The following FSTL1 variants were observed in gnomAD, a reference collection of about 807,000 sequenced individuals.
The protein encoded by FSTL1 is follistatin-related protein 1.
In FSTL1, 24 loss-of-function variants were observed where a neutral mutation model predicts 45.9. The ratio of observed to expected loss-of-function variants is 0.52; its 90% confidence interval spans 0.38 to 0.74. The LOEUF (loss-of-function observed/expected upper bound fraction) is 0.74, where lower values mean the gene tolerates loss of function less well. FSTL1 is among the 30% of genes least tolerant of loss of function. FSTL1 has a pLI of 0.00. For synonymous variants in FSTL1, 120 were observed against 137.6 expected (o/e 0.87, Z 0.89); for missense variants, 340 against 381.8 (o/e 0.89, Z 0.91).
At chr3:120,446,522 C>G (rs73855244) in intron 2 of FSTL1, among the ~76,000 whole-genome samples, 1 of 152,174 alleles carries the variant, frequency 6.6e-6, no homozygotes, top group Middle Eastern at 3.2e-3. Flanking sequence ...TTTTACACCC[C>G]AATTTCCAGC....
Position 120,409,520 on chromosome 3 carries a change from C to A in FSTL1, c.462+12G>T. The A allele has an allele frequency of 6.2e-7, 1 of 1,613,086 alleles. No homozygotes were observed. The highest frequency in any genetic ancestry group is 8.5e-7 in the Non-Finnish European group (1 of 1,179,102). ...ATGGGCCTGAATAGTCTTCCTCCTA[C>A]CTCTGGATTACCTTAAAATACTTGT... On this transcript the variant is annotated intron_variant, in intron 6 of 10. Coordinates refer to ENST00000295633, the MANE Select transcript of FSTL1 (RefSeq NM_007085.5).
chr3:120,409,437 A>G, intron 6 of FSTL1, 95 bp downstream of exon 6: 2 of 1,134,150 alleles, frequency 1.8e-6, no homozygotes, highest in Non-Finnish European at 2.6e-6. Flanking sequence ...GCAGGTTTAC[A>G]TTTCCTGTGG....
At chr3:120,450,244 A>G (rs1370285561) in intron 2 of FSTL1, among the ~76,000 whole-genome samples, 5 of 152,202 alleles carry the variant, frequency 3.3e-5, no homozygotes, top group African/African-American at 1.2e-4. Flanking sequence ...AGAGAAAGGA[A>G]AATTAATTTT....
chr3:120,435,165 G>A (rs1463255067), intron 2 of FSTL1, among the ~76,000 whole-genome samples: 2 of 152,172 alleles, frequency 1.3e-5, no homozygotes, highest in African/African-American at 4.8e-5. Flanking sequence ...GTTGCAGTGA[G>A]CCGAGATCCT....
rs61105699 is a variant in FSTL1 at position 120,440,979 on chromosome 3, C to T, written c.63+9705G>A. On this transcript the variant is annotated intron_variant, in intron 2 of 10. Transcript: ENST00000295633. ...ATCGGCCTGGCTGCAGACACAGCAG[C>T]CCCTCCCTAGTGGGACTGCAGGTCT... Among the ~76,000 whole-genome samples, 903 of 152,332 alleles carry T rather than the reference C, an allele frequency of 5.9e-3. 9 individuals are homozygous for T. The highest frequency in any genetic ancestry group is 0.021 in the African/African-American group (867 of 41,572).
intron 2 of FSTL1, among the ~76,000 whole-genome samples, chr3:120,431,132 C>T (rs1240807853): frequency 3.3e-5 from 5 of 152,058 alleles, no homozygotes; most frequent in Non-Finnish European, 7.4e-5. Context: ...CCACCATGCC[C>T]GGACAATTTT....
At chr3:120,447,795 T>A (rs1011607425) in intron 2 of FSTL1, among the ~76,000 whole-genome samples, 23 of 152,148 alleles carry the variant, frequency 1.5e-4, no homozygotes, top group Non-Finnish European at 4.4e-5. Flanking sequence ...ACCAGAGGCG[T>A]GTGTGCTACC....
At chr3:120,399,718 G>A (rs758697740) in intron 10 of FSTL1, among the ~76,000 whole-genome samples, 165 bp downstream of exon 10, 1 of 152,198 alleles carries the variant, frequency 6.6e-6, no homozygotes, top group Non-Finnish European at 1.5e-5. Flanking sequence ...TCAGGGAACT[G>A]TCTGTATCAC....
chr3:120,450,704 C>T lies in FSTL1; in HGVS notation c.43G>A (p.Val15Ile), dbSNP rs1180726694. ...CCTACCTCGGCGCGGACCCAGGCGA[C>T]CGCCACCAGCGCGAGCGCGAGCGCG... Reference protein sequence around the residue: ...WLALALALVAVAWVRAEEELR... With the variant: ...WLALALALVAIAWVRAEEELR... The change falls in exon 2 of 11, where the codon GTC (valine) becomes ATC (isoleucine). Residue 15 changes from valine (V) to isoleucine (I), a missense_variant. Val to Ile is a conservative substitution (Grantham distance 29). Coordinates refer to ENST00000295633, the MANE Select transcript of FSTL1 (RefSeq NM_007085.5). 1 of 1,570,780 alleles carries T rather than the reference C, an allele frequency of 6.4e-7. No individual in the cohort carries two copies.
chr3:120,443,879 G>A (rs762150181), intron 2 of FSTL1, among the ~76,000 whole-genome samples: 27 of 149,840 alleles, frequency 1.8e-4, no homozygotes, highest in Non-Finnish European at 3.1e-4. Flanking sequence ...AGATTTATGG[G>A]AATTATTTTG....
At chr3:120,419,208 G>A in intron 2 of FSTL1, 1 of 152,436 alleles carries the variant, frequency 6.6e-6, no homozygotes, top group Non-Finnish European at 1.5e-5. Context: ...GAAGAATAGG[G>A]TGGCTGCTCC....
chr3:120,427,253 C>G (rs1937398695), intron 2 of FSTL1, among the ~76,000 whole-genome samples: 3 of 152,186 alleles, frequency 2.0e-5, no homozygotes, highest in Admixed American at 2.0e-4. Context: ...TGAATTCCCC[C>G]TTCCTTCTCT....
chr3:120,409,516 C>T lies in FSTL1; in HGVS notation c.462+16G>A. 1.2e-6 allele frequency: 2 copies of T among 1,612,694 alleles called. No individual in the cohort carries two copies. The highest frequency in any genetic ancestry group is 1.7e-6 in the Non-Finnish European group (2 of 1,178,792). On this transcript the variant is annotated intron_variant, in intron 6 of 10. Coordinates refer to ENST00000295633, the MANE Select transcript of FSTL1 (RefSeq NM_007085.5). Reference sequence around the variant, plus strand: ...TTCTATGGGCCTGAATAGTCTTCCTCCTACCTCTGGATTACCTTAAAATAC... The same window carrying T: ...TTCTATGGGCCTGAATAGTCTTCCTTCTACCTCTGGATTACCTTAAAATAC...
rs1936613307 is a variant in FSTL1, at chr3:120,392,494, T to A, written c.*4458A>T. Reference sequence around the variant, plus strand: ...GCAACTTCTTTGACTTTATAGGCAATCATAGGCAAATTTATAAATGTACAC... The same window carrying A: ...GCAACTTCTTTGACTTTATAGGCAAACATAGGCAAATTTATAAATGTACAC... On this transcript the variant is annotated 3_prime_UTR_variant, in exon 11 of 11. Transcript: ENST00000295633. The A allele has an allele frequency of 6.6e-6, 1 of 152,224 alleles. No individual in the cohort carries two copies. Among genetic ancestry groups the A allele is most frequent in the Admixed American group, 6.5e-5 (1 of 15,288 alleles). 9.4% of individuals were successfully genotyped at this position (152,224 alleles called of 1,614,324 possible). A position where few individuals can be genotyped will look rare whatever the true frequency, so the allele number is the denominator to read the frequency against.
intron 6 of FSTL1, 150 bp from the exon 7 acceptor site, chr3:120,405,121 C>G (rs1425863823): frequency 6.0e-5 from 37 of 615,740 alleles, no homozygotes; most frequent in Admixed American, 5.4e-4. Flanking sequence ...AACAAATGCT[C>G]TAATCCCTGG....
At chr3:120,418,638 G>C (rs1243611315) in intron 2 of FSTL1, among the ~76,000 whole-genome samples, 1 of 152,240 alleles carries the variant, frequency 6.6e-6, no homozygotes, top group African/African-American at 2.4e-5. Flanking sequence ...AGTGTCGGGA[G>C]AATGTGCGTT....
chr3:120,403,180 A>G (rs994386424), intron 8 of FSTL1, 62 bp downstream of exon 8: 5 of 927,504 alleles, frequency 5.4e-6, no homozygotes, highest in Admixed American at 3.4e-5. Context: ...AATCCTCTCT[A>G]TCTTGGCTCC....
At chr3:120,397,612 C>T (rs899154314) in intron 10 of FSTL1, among the ~76,000 whole-genome samples, 7 of 152,190 alleles carry the variant, frequency 4.6e-5, no homozygotes, top group African/African-American at 1.7e-4. Flanking sequence ...ATAGCAATAA[C>T]AAAACCGTTG....
At chr3:120,403,920 C>CAAAAAAAAA (rs34145564) in intron 7 of FSTL1, among the ~76,000 whole-genome samples, 16 of 52,138 alleles carry the variant, frequency 3.1e-4, no homozygotes, top group Middle Eastern at 0.017. Context: ...GACTCCGTCT[C>CAAAAAAAAA]AAAAAAAAAA....
Sources: allele counts gnomAD v4.1 joint callset (sites outside exome capture counted in the v4.1 genomes callset), GRCh38; gene constraint gnomAD v4.1.1; transcripts MANE v1.5; gene names NCBI Gene and HGNC (gene_info 2026-07-23, HGNC 2026-07-21).